SLC25A32: variants seen among roughly 807,000 people sequenced by gnomAD.
The protein encoded by SLC25A32 is solute carrier family 25 member 32.
SLC25A32 carries 32 observed loss-of-function variants against 39.0 expected under a neutral mutation model. The ratio of observed to expected loss-of-function variants is 0.82; its 90% confidence interval spans 0.62 to 1.10. SLC25A32 has a LOEUF of 1.10. Ranked by LOEUF, SLC25A32 falls within the 50% of genes least tolerant of loss-of-function variation. SLC25A32 has a pLI of 0.00. For missense variants in SLC25A32, 367 were observed against 395.3 expected, an observed-to-expected ratio of 0.93 and a Z score of 0.61; for synonymous variants, 166 against 152.4, an observed-to-expected ratio of 1.09 and a Z score of -0.66.
intron 2 of SLC25A32, among the ~76,000 whole-genome samples, chr8:103,406,652 C>G (rs562639524): frequency 1.2e-4 from 19 of 152,292 alleles, no homozygotes; most frequent in Middle Eastern, 3.4e-3. Context: ...GCAGGTCAAA[C>G]AAGAAGAAAC....
intron 1 of SLC25A32, among the ~76,000 whole-genome samples, chr8:103,410,512 T>C (rs1231908037): frequency 1.3e-5 from 2 of 152,206 alleles, no homozygotes; most frequent in Non-Finnish European, 2.9e-5. Context: ...TGAGAATTTA[T>C]TGCCTGATGA....
intron 1 of SLC25A32, among the ~76,000 whole-genome samples, chr8:103,411,999 C>T (rs1816477074): frequency 6.6e-6 from 1 of 152,186 alleles, no homozygotes; most frequent in South Asian, 2.1e-4. Context: ...CCAGTTCTAG[C>T]AATTACTTTG....
At position 103,414,989 on chromosome 8, in the gene SLC25A32, C is replaced by A. The variant is rs763398540; in HGVS notation, c.-52G>T. ...CGCCCAGGGCCGCGGAGGTGGGACG[C>A]GATGCAGTGGCCGCCACCGTGGCGA... is the stretch of plus-strand genomic sequence containing the variant. On this transcript the variant is annotated 5_prime_UTR_variant, in exon 1 of 7. Transcript: ENST00000297578. 5.1e-6 allele frequency: 8 copies of A among 1,581,288 alleles called. No individual in the cohort carries two copies. The highest frequency in any genetic ancestry group is 6.9e-6 in the Non-Finnish European group (8 of 1,163,426).
Position 103,399,003 on chromosome 8 carries a change from T to C in SLC25A32, c.*1408A>G, listed in dbSNP as rs1027378830. 1.3e-5 allele frequency: 2 copies of C among 152,260 alleles called. No individual in the cohort carries two copies. The highest frequency in any genetic ancestry group is 2.9e-5 in the Non-Finnish European group (2 of 68,034). The allele number at this position is 152,260 out of a possible 1,614,324, so 9.4% of individuals were successfully genotyped here. On this transcript the variant is annotated 3_prime_UTR_variant, in exon 7 of 7. Transcript: ENST00000297578. ...ACTTTTATTTACAACAAATAGATGG[T>C]AGTGCAACAGCACTCGTGGATGTTT...
At position 103,408,343 on chromosome 8, in the gene SLC25A32, G is replaced by A. The variant is rs182568081; in HGVS notation, c.155-559C>T. Among the ~76,000 whole-genome samples the A allele has an allele frequency of 2.8e-3, 425 of 152,048 alleles. 2 individuals carry two copies. Among genetic ancestry groups the A allele is most frequent in the African/African-American group, 9.9e-3 (412 of 41,436 alleles). ...ATGAATTTATTCAAGTGTTTATTGA[G>A]GGCATACTAAGCACTCAAATAATAT... On this transcript the variant is annotated intron_variant, in intron 1 of 6. Transcript: ENST00000297578.
intron 3 of SLC25A32, among the ~76,000 whole-genome samples, 167 bp downstream of exon 3, chr8:103,404,609 A>C (rs1350235647): frequency 1.3e-5 from 2 of 152,104 alleles, no homozygotes; most frequent in Non-Finnish European, 2.9e-5. Flanking sequence ...AAAAAAAACC[A>C]AAAACCGAAA....
At chr8:103,403,385 C>G in intron 3 of SLC25A32, 61 bp from the exon 4 acceptor site, 1 of 688,762 alleles carries the variant, frequency 1.5e-6, no homozygotes, top group South Asian at 3.2e-5. Context: ...TATGACAACC[C>G]AAATTAGAAA....
At chr8:103,413,307 C>T (rs1371856483) in intron 1 of SLC25A32, among the ~76,000 whole-genome samples, 1 of 152,214 alleles carries the variant, frequency 6.6e-6, no homozygotes, top group Admixed American at 6.5e-5. Flanking sequence ...GTCATACAGG[C>T]CTGCACCTGC....
intron 2 of SLC25A32, among the ~76,000 whole-genome samples, chr8:103,406,018 T>A (rs1164320396): frequency 6.6e-6 from 1 of 151,820 alleles, no homozygotes; most frequent in Non-Finnish European, 1.5e-5. Context: ...TTAGAAGCTG[T>A]CTTGAAGAAT....
At chr8:103,400,571 C>T (rs1244360974) in intron 6 of SLC25A32, 25 bp from the exon 7 acceptor site, 2 of 1,612,026 alleles carry the variant, frequency 1.2e-6, no homozygotes, top group Non-Finnish European at 1.7e-6. Context: ...ATAGATAATG[C>T]TTAATTTTGT....
At chr8:103,410,755 G>A (rs1196789703) in intron 1 of SLC25A32, among the ~76,000 whole-genome samples, 2 of 152,048 alleles carry the variant, frequency 1.3e-5, no homozygotes, top group African/African-American at 4.8e-5. Context: ...AATGCCAATG[G>A]ACACAAGCTG....
At chr8:103,407,853 C>T (rs1275633008) in intron 1 of SLC25A32, 69 bp from the exon 2 acceptor site, 1 of 1,350,032 alleles carries the variant, frequency 7.4e-7, no homozygotes, top group African/African-American at 1.5e-5. Flanking sequence ...TAAACACAGA[C>T]ACTGTACAAT....
chr8:103,406,065 G>GTGTATATATATATA lies in SLC25A32; in HGVS notation c.306-1205_306-1204insTATATATATATACA, dbSNP rs372284581. ...AAATTCATGATGTGTGTGTGTGTGT[G>GTGTATATATATATA]TATATATATATATATACACACACAC... On this transcript the variant is annotated intron_variant, in intron 2 of 6. Coordinates refer to ENST00000297578, the MANE Select transcript of SLC25A32 (RefSeq NM_030780.5). Among the ~76,000 whole-genome samples, 1,006 of 144,114 alleles carry GTGTATATATATATA rather than the reference G, an allele frequency of 7.0e-3. 6 individuals are homozygous for GTGTATATATATATA. The highest frequency in any genetic ancestry group is 9.8e-3 in the Non-Finnish European group (644 of 65,838). 94.5% of individuals were successfully genotyped at this position (144,114 alleles called of 152,430 possible). A position where few individuals can be genotyped will look rare whatever the true frequency, so the allele number is the denominator to read the frequency against.
rs2130433048 is a variant in SLC25A32, at chr8:103,399,927, TA to T, written c.*483del. 6.5e-6 allele frequency: 1 copy of T among 153,296 alleles called. No individual in the cohort carries two copies. The highest frequency in any genetic ancestry group is 2.4e-5 in the African/African-American group (1 of 41,510). 9.5% of individuals were successfully genotyped at this position (153,296 alleles called of 1,614,324 possible). A position where few individuals can be genotyped will look rare whatever the true frequency, so the allele number is the denominator to read the frequency against. On this transcript the variant is annotated 3_prime_UTR_variant, in exon 7 of 7. Transcript: ENST00000297578. ...CTCAAAAAATAAATAAATAAAAAAA[TA>T]AAATAAAATGGTCTGGATTTGGTCA...
intron 4 of SLC25A32, 77 bp from the exon 5 acceptor site, chr8:103,402,131 T>A: frequency 1.1e-6 from 1 of 914,678 alleles, no homozygotes; most frequent in Non-Finnish European, 1.6e-6. Flanking sequence ...TACTTTCTCT[T>A]CTCTCTCATT....
intron 1 of SLC25A32, 29 bp from the exon 2 acceptor site, chr8:103,407,813 A>G: frequency 1.2e-6 from 2 of 1,604,134 alleles, no homozygotes; most frequent in Non-Finnish European, 1.7e-6. Flanking sequence ...AAAGTCAGGT[A>G]AGAACAAAGT....
intron 1 of SLC25A32, 94 bp downstream of exon 1, chr8:103,414,690 A>T (rs1816552364): frequency 6.5e-7 from 1 of 1,533,158 alleles, no homozygotes; most frequent in South Asian, 1.2e-5. Flanking sequence ...GCTCCCTTCA[A>T]CGCTCCTCCT....
At chr8:103,409,939 GACA>G (rs1027190369) in intron 1 of SLC25A32, among the ~76,000 whole-genome samples, 68 of 152,280 alleles carry the variant, frequency 4.5e-4, no homozygotes, top group Admixed American at 4.4e-3. Flanking sequence ...GTTTATATAA[GACA>G]ACAAGTTTAA....
In SLC25A32 at chr8:103,399,173, T is replaced by C. The variant is rs1816164547; in HGVS notation, c.*1238A>G. Reference sequence around the variant, plus strand: ...CCTGAATTTGAGAAACCAATGAAGATTAATCATTTATTTGGGATCTAGATC... The same window carrying C: ...CCTGAATTTGAGAAACCAATGAAGACTAATCATTTATTTGGGATCTAGATC... On this transcript the variant is annotated 3_prime_UTR_variant, in exon 7 of 7. Transcript: ENST00000297578. 1 of 152,226 alleles carries C rather than the reference T, an allele frequency of 6.6e-6. No homozygotes were observed. 9.4% of individuals were successfully genotyped at this position (152,226 alleles called of 1,614,324 possible).
Sources: allele counts gnomAD v4.1 joint callset (sites outside exome capture counted in the v4.1 genomes callset), GRCh38; gene constraint gnomAD v4.1.1; transcripts MANE v1.5; gene names NCBI Gene and HGNC (gene_info 2026-07-23, HGNC 2026-07-21).